Variants in IL23R observed in about 807,000 individuals in gnomAD.
The protein encoded by IL23R is interleukin-23 receptor.
In IL23R, 34 loss-of-function variants were observed where a neutral mutation model predicts 56.9. The observed-to-expected ratio is 0.60, with a 90% CI of 0.45 to 0.80. The LOEUF is 0.80. Ranked by LOEUF, IL23R falls within the 30% of genes least tolerant of loss-of-function variation. IL23R has a pLI of 0.00. For synonymous variants in IL23R, 230 were observed against 249.2 expected, an observed-to-expected ratio of 0.92 and a Z score of 0.73; for missense variants, 635 against 730.0, an observed-to-expected ratio of 0.87 and a Z score of 1.50.
downstream of IL23R, among the ~76,000 whole-genome samples, chr1:67,264,358 A>G (rs1021120007): frequency 7.2e-5 from 11 of 152,226 alleles, no homozygotes; most frequent in African/African-American, 2.7e-4. Context: ...TATAAACCCA[A>G]AGACTCTGGA....
intron 4 of IL23R, among the ~76,000 whole-genome samples, chr1:67,184,061 C>G (rs1647206385): frequency 6.6e-6 from 1 of 151,670 alleles, no homozygotes; most frequent in Non-Finnish European, 1.5e-5. Flanking sequence ...TGGTGAAACC[C>G]CATCTCTACT....
At chr1:67,186,203 A>G (rs886259882) in intron 4 of IL23R, among the ~76,000 whole-genome samples, 13 of 152,196 alleles carry the variant, frequency 8.5e-5, no homozygotes, top group Admixed American at 7.2e-4. Context: ...AGCACACAGA[A>G]AAACCAGGCA....
At chr1:67,202,812 C>T (rs1648734366) in intron 5 of IL23R, among the ~76,000 whole-genome samples, 3 of 152,070 alleles carry the variant, frequency 2.0e-5, no homozygotes, top group Non-Finnish European at 2.9e-5. Flanking sequence ...GTGGCTCAAG[C>T]GATCCTCCTG....
chr1:67,172,753 C>T (rs1414091969), intron 3 of IL23R, among the ~76,000 whole-genome samples: 1 of 152,154 alleles, frequency 6.6e-6, no homozygotes, highest in East Asian at 1.9e-4. Context: ...TCTAACATTG[C>T]TATTAAGTAT....
At chr1:67,234,306 C>T (rs1651313168) in intron 7 of IL23R, among the ~76,000 whole-genome samples, 2 of 152,082 alleles carry the variant, frequency 1.3e-5, no homozygotes, top group Non-Finnish European at 2.9e-5. Flanking sequence ...TAACTGATTC[C>T]TTGTGAAATT....
chr1:67,144,471 G>A (rs76278725), intron 1 of IL23R, among the ~76,000 whole-genome samples: 2,488 of 152,196 alleles, frequency 0.016, 27 homozygotes, highest in Non-Finnish European at 0.026. Context: ...CTGTATTCAC[G>A]TCTTGTATTA....
At chr1:67,262,181 G>A (rs567603740), downstream of IL23R, among the ~76,000 whole-genome samples, 3 of 152,236 alleles carry the variant, frequency 2.0e-5, no homozygotes, top group East Asian at 1.9e-4. Context: ...ATATGTGCAA[G>A]GCCATTTGAA....
chr1:67,252,924 A>C (rs1472081133), intron 9 of IL23R, among the ~76,000 whole-genome samples: 6 of 152,106 alleles, frequency 3.9e-5, no homozygotes, highest in Admixed American at 2.6e-4. Flanking sequence ...TTAGCAGTCT[A>C]TGAGTGGTTG....
intron 10 of IL23R, among the ~76,000 whole-genome samples, chr1:67,256,137 A>G (rs892211097): frequency 6.6e-6 from 1 of 152,244 alleles, no homozygotes; most frequent in East Asian, 1.9e-4. Flanking sequence ...ACAGAGAAGA[A>G]ATAAAGAAAC....
chr1:67,234,725 T>TTGG, intron 7 of IL23R, among the ~76,000 whole-genome samples: 1 of 149,116 alleles, frequency 6.7e-6, no homozygotes, highest in Non-Finnish European at 1.5e-5. Flanking sequence ...TTTTTTTTTT[T>TTGG]GAGATGGAGT....
chr1:67,220,747 C>CATAG (rs1339952997), intron 7 of IL23R, among the ~76,000 whole-genome samples: 2 of 152,124 alleles, frequency 1.3e-5, no homozygotes, highest in East Asian at 3.9e-4. Flanking sequence ...GGCCCACGCC[C>CATAG]ATAGTCCCAG....
At chr1:67,182,186 G>A (rs1027300739) in intron 3 of IL23R, among the ~76,000 whole-genome samples, 1 of 152,208 alleles carries the variant, frequency 6.6e-6, no homozygotes, top group Non-Finnish European at 1.5e-5. Flanking sequence ...TAAGTCTGCA[G>A]AGGTTTCTGC....
intron 7 of IL23R, among the ~76,000 whole-genome samples, chr1:67,230,453 T>G (rs1651023371): frequency 6.6e-6 from 1 of 152,046 alleles, no homozygotes; most frequent in African/African-American, 2.4e-5. Flanking sequence ...TCATATAGAG[T>G]TTTGCTACAC....
chr1:67,151,025 G>A (rs754284529), intron 1 of IL23R, among the ~76,000 whole-genome samples: 7 of 152,086 alleles, frequency 4.6e-5, no homozygotes, highest in Non-Finnish European at 8.8e-5. Flanking sequence ...TTGAGGAATC[G>A]CCACACTGTC....
intron 1 of IL23R, among the ~76,000 whole-genome samples, chr1:67,167,314 A>G (rs934248820): frequency 2.6e-5 from 4 of 152,106 alleles, no homozygotes; most frequent in Non-Finnish European, 5.9e-5. Context: ...CAAGCAATCC[A>G]CCGGCCTCTG....
At chr1:67,260,368 C>A (rs1653164121), downstream of IL23R, among the ~76,000 whole-genome samples, 1 of 151,992 alleles carries the variant, frequency 6.6e-6, no homozygotes, top group Non-Finnish European at 1.5e-5. Context: ...GTTTACAAAC[C>A]AGATATATGT....
chr1:67,240,230 T>A lies in IL23R; in HGVS notation c.1097T>A (p.Met366Lys). The A allele has an allele frequency of 6.2e-7, 1 of 1,613,542 alleles. No homozygotes were observed. The highest frequency in any genetic ancestry group is 1.1e-5 in the South Asian group (1 of 91,068). The change falls in exon 9 of 11, where the codon ATG becomes AAG. Residue 366 changes from methionine (M) to lysine (K), a missense_variant. By Grantham distance (95) the Met-to-Lys change is moderately conservative (BLOSUM62 -1). Coordinates refer to ENST00000347310, the MANE Select transcript of IL23R (RefSeq NM_144701.3). ...LLLGMIVFAVMLSILSLIGIF... is the reference protein window; with the variant it reads ...LLLGMIVFAVKLSILSLIGIF... ...TTGGGAATGATCGTCTTTGCTGTTATGTTGTCAATTCTTTCTTTGATTGGG... is the reference window on the plus strand; with the variant it reads ...TTGGGAATGATCGTCTTTGCTGTTAAGTTGTCAATTCTTTCTTTGATTGGG...
chr1:67,173,831 T>C (rs1037888261), intron 3 of IL23R, among the ~76,000 whole-genome samples: 1 of 152,154 alleles, frequency 6.6e-6, no homozygotes, highest in Non-Finnish European at 1.5e-5. Flanking sequence ...CCCTCTTTAA[T>C]AATTTGGAAT....
chr1:67,210,371 C>T (rs1212669165), intron 6 of IL23R, among the ~76,000 whole-genome samples: 2 of 152,054 alleles, frequency 1.3e-5, no homozygotes, highest in Admixed American at 1.3e-4. Context: ...AAAAGAAATG[C>T]TATTTGATTA....
Sources: gnomAD v4.1 joint callset for allele counts (sites outside exome capture counted in the v4.1 genomes callset) on GRCh38, gnomAD v4.1.1 for gene constraint, MANE v1.5 for transcripts, NCBI Gene and HGNC (gene_info 2026-07-23, HGNC 2026-07-21) for gene names.